Variants in RALGAPA2 observed in about 807,000 individuals in gnomAD.
The protein encoded by RALGAPA2 is ral GTPase-activating protein subunit alpha-2.
In RALGAPA2, 139 loss-of-function variants were observed where a neutral mutation model predicts 230.4. The observed-to-expected ratio is 0.60, with a 90% confidence interval of 0.53 to 0.69. RALGAPA2 has a LOEUF of 0.69. RALGAPA2 is among the 30% of genes least tolerant of loss of function. RALGAPA2 has a pLI of 0.00. For synonymous variants in RALGAPA2, 847 were observed against 837.8 expected (o/e 1.01, Z -0.19); for missense variants, 2,163 against 2,276.0 (o/e 0.95, Z 1.01).
intron 3 of RALGAPA2, among the ~76,000 whole-genome samples, chr20:20,658,778 C>G (rs1240777841): frequency 6.6e-6 from 1 of 152,214 alleles, no homozygotes; most frequent in Non-Finnish European, 1.5e-5. Context: ...ACACAAGATG[C>G]TATAGTCTAC....
At position 20,495,097 on chromosome 20, in the gene RALGAPA2, A is replaced by G; in HGVS notation, c.5367+20T>C. The G allele has an allele frequency of 1.3e-6, 2 of 1,584,066 alleles. No homozygotes were observed. The highest frequency in any genetic ancestry group is 1.1e-5 in the South Asian group (1 of 89,090). Reference sequence around the variant, plus strand: ...GGCAAATGCTTTATGAGTCAGTACAACAATGCAATGAAAACGTACCTCAGG... The same window carrying G: ...GGCAAATGCTTTATGAGTCAGTACAGCAATGCAATGAAAACGTACCTCAGG... On this transcript the variant is annotated intron_variant, in intron 36 of 39. Transcript: ENST00000202677.
At chr20:20,511,727 T>C (rs796196856) in intron 32 of RALGAPA2, among the ~76,000 whole-genome samples, 2 of 152,326 alleles carry the variant, frequency 1.3e-5, no homozygotes, top group African/African-American at 4.8e-5. Flanking sequence ...TACTTCCCAT[T>C]GGATTTAATC....
intron 23 of RALGAPA2, among the ~76,000 whole-genome samples, chr20:20,571,170 T>C (rs2064620254): frequency 1.3e-5 from 2 of 152,130 alleles, no homozygotes. Flanking sequence ...GTTATAATAG[T>C]ATTTTGAGGT....
At chr20:20,569,382 T>C (rs554700995) in intron 23 of RALGAPA2, among the ~76,000 whole-genome samples, 28 of 152,300 alleles carry the variant, frequency 1.8e-4, no homozygotes, top group African/African-American at 5.5e-4. Flanking sequence ...AATTCAAGCT[T>C]CTAACTAAGC....
rs776032016 is a variant in RALGAPA2 at position 20,513,127 on chromosome 20, G to A, written c.4242C>T (p.Ser1414=). Residue 1414 remains serine, a synonymous_variant, in exon 32 of 40, where the codon TCC becomes TCT. Transcript: ENST00000202677. ...ENHDNAHVEG[S]ELSFEVFRSP... Reference sequence around the variant, plus strand: ...TTCTGAACACCTCAAAGGACAGCTCGGAGCCTTCCACATGGGCATTGTCAT... The same window carrying A: ...TTCTGAACACCTCAAAGGACAGCTCAGAGCCTTCCACATGGGCATTGTCAT... 29 of 1,570,892 alleles carry A rather than the reference G, an allele frequency of 1.8e-5. No homozygotes were observed. Among genetic ancestry groups the A allele is most frequent in the South Asian group, 2.4e-5 (2 of 81,866 alleles).
chr20:20,670,088 C>A (rs1332966669), intron 3 of RALGAPA2, among the ~76,000 whole-genome samples: 1 of 152,266 alleles, frequency 6.6e-6, no homozygotes, highest in Non-Finnish European at 1.5e-5. Context: ...CCAGTAGACT[C>A]TTCCGCTCAC....
intron 31 of RALGAPA2, among the ~76,000 whole-genome samples, chr20:20,514,258 G>A (rs953702462): frequency 1.5e-4 from 23 of 152,000 alleles, no homozygotes; most frequent in African/African-American, 3.9e-4. Context: ...GGCCCTTTCC[G>A]CTCCGCACCC....
At chr20:20,537,182 T>C (rs1227138793) in intron 24 of RALGAPA2, among the ~76,000 whole-genome samples, 3 of 152,188 alleles carry the variant, frequency 2.0e-5, no homozygotes, top group Non-Finnish European at 2.9e-5. Context: ...TGGAGGTAAC[T>C]ATCGGAGAGT....
At position 20,639,834 on chromosome 20, in the gene RALGAPA2, T is replaced by C. The variant is rs756635832; in HGVS notation, c.617A>G (p.Asp206Gly). The change falls in exon 7 of 40, where the codon GAC becomes GGC. Residue 206 changes from aspartate (D) to glycine (G), a missense_variant. By Grantham distance (94) the Asp-to-Gly change is moderately conservative. Coordinates refer to ENST00000202677, the MANE Select transcript of RALGAPA2 (RefSeq NM_020343.4). The part of the protein sequence containing the change: ...PAISGEKIAE[D>G]QTCFFLQILL... ...TATTTGAAGAAAAAAGCAGGTTTGG[T>C]CCTCAGCAATCTTCTCCCCTGATAT... 6.2e-7 allele frequency: 1 copy of C among 1,613,796 alleles called. No homozygotes were observed. The highest frequency in any genetic ancestry group is 2.2e-5 in the East Asian group (1 of 44,868).
intron 6 of RALGAPA2, 92 bp downstream of exon 6, chr20:20,640,609 A>G: frequency 7.9e-7 from 1 of 1,269,880 alleles, no homozygotes; most frequent in Non-Finnish European, 1.1e-6. Flanking sequence ...AGACTCCATC[A>G]GGATTTCTAT....
intron 4 of RALGAPA2, among the ~76,000 whole-genome samples, chr20:20,644,513 A>G (rs1378772258): frequency 1.3e-5 from 2 of 152,226 alleles, no homozygotes; most frequent in African/African-American, 4.8e-5. Context: ...TTCATTAGCC[A>G]GAAAAAAATC....
At chr20:20,426,256 A>G (rs2060379980) in intron 37 of RALGAPA2, among the ~76,000 whole-genome samples, 1 of 152,234 alleles carries the variant, frequency 6.6e-6, no homozygotes, top group South Asian at 2.1e-4. Flanking sequence ...AGTGACTTAC[A>G]TAGTGTGGTT....
intron 26 of RALGAPA2, among the ~76,000 whole-genome samples, chr20:20,532,937 G>C (rs537132283): frequency 1.3e-5 from 2 of 151,934 alleles, no homozygotes; most frequent in African/African-American, 4.8e-5. Flanking sequence ...GGCTTGGTAA[G>C]TATGCATGTT....
At chr20:20,439,451 G>A (rs576568098) in intron 37 of RALGAPA2, among the ~76,000 whole-genome samples, 103 of 152,222 alleles carry the variant, frequency 6.8e-4, no homozygotes, top group African/African-American at 1.4e-3. Context: ...GAGCTTAAGC[G>A]ATCCACTGGC....
At chr20:20,631,307 G>A (rs903062711) in intron 9 of RALGAPA2, among the ~76,000 whole-genome samples, 3 of 152,218 alleles carry the variant, frequency 2.0e-5, no homozygotes, top group African/African-American at 7.2e-5. Context: ...GTGCTGGTGG[G>A]CTGAATAATG....
In RALGAPA2 at chr20:20,635,611, G is replaced by C; in HGVS notation, c.812C>G (p.Pro271Arg). 6.5e-7 allele frequency: 1 copy of C among 1,537,878 alleles called. No individual in the cohort carries two copies. Among genetic ancestry groups the C allele is most frequent in the South Asian group, 1.3e-5 (1 of 78,874 alleles). ...GTACACAGGCTTTGGTCTCAAATGG[G>C]GGATGTCTGGTAGAAGAAAGAACAC... ...TNIYKPVLDI[P>R]HLRPKPVYIT... Residue 271 changes from proline (P) to arginine (R), a missense_variant, in exon 9 of 40, where the codon CCC becomes CGC. Pro to Arg is a moderately radical substitution (Grantham distance 103). Transcript: ENST00000202677.
chr20:20,641,377 T>G (rs2067025160), intron 5 of RALGAPA2, among the ~76,000 whole-genome samples: 1 of 152,192 alleles, frequency 6.6e-6, no homozygotes, highest in Non-Finnish European at 1.5e-5. Flanking sequence ...AATTTACATG[T>G]GCTATCACTA....
At chr20:20,515,337 C>G (rs2062836102) in intron 31 of RALGAPA2, among the ~76,000 whole-genome samples, 1 of 152,210 alleles carries the variant, frequency 6.6e-6, no homozygotes, top group African/African-American at 2.4e-5. Context: ...GCATGCGTCT[C>G]CCACTGGGAA....
chr20:20,541,634 C>G (rs1462293171), intron 24 of RALGAPA2, among the ~76,000 whole-genome samples: 3 of 152,160 alleles, frequency 2.0e-5, no homozygotes, highest in African/African-American at 7.2e-5. Context: ...TCATGCTACT[C>G]AGAATGGGGT....
Sources: gnomAD v4.1 joint callset for allele counts (sites outside exome capture counted in the v4.1 genomes callset) on GRCh38, gnomAD v4.1.1 for gene constraint, MANE v1.5 for transcripts, NCBI Gene and HGNC (gene_info 2026-07-23, HGNC 2026-07-21) for gene names.